Variants in F2RL1 observed in about 807,000 individuals in gnomAD.
F2RL1 encodes proteinase-activated receptor 2.
F2RL1 carries 16 observed loss-of-function variants against 21.7 expected under a neutral mutation model. That is an observed-to-expected ratio of 0.74 (90% confidence interval 0.50 to 1.12). F2RL1 has a LOEUF of 1.12. Ranked by LOEUF, F2RL1 falls within the 50% of genes most tolerant of loss-of-function variation. The pLI, the probability that F2RL1 is intolerant of heterozygous loss-of-function variation, is 0.00. For missense variants in F2RL1, 432 were observed against 477.8 expected (o/e 0.90, Z 0.89); for synonymous variants, 181 against 186.7 (o/e 0.97, Z 0.25).
intron 1 of F2RL1, among the ~76,000 whole-genome samples, chr5:76,828,114 G>A (rs1750278955): frequency 6.6e-6 from 1 of 151,978 alleles, no homozygotes; most frequent in African/African-American, 2.4e-5. Context: ...GATTATAGGT[G>A]TATGCCACCA....
chr5:76,828,991 C>CT (rs1297878534), intron 1 of F2RL1, among the ~76,000 whole-genome samples: 2 of 151,942 alleles, frequency 1.3e-5, no homozygotes, highest in African/African-American at 4.8e-5. Flanking sequence ...TGGTGTGCAC[C>CT]TGTAATCCCA....
intron 1 of F2RL1, among the ~76,000 whole-genome samples, chr5:76,821,029 TCGCTTTTTAG>T (rs2150604126): frequency 6.6e-6 from 1 of 152,114 alleles, no homozygotes; most frequent in East Asian, 1.9e-4. Flanking sequence ...CTTTGCTCAC[TCGCTTTTTAG>T]CCGGTCCTTC....
In F2RL1 at chr5:76,834,020, C is replaced by A; in HGVS notation, c.*219C>A. On this transcript the variant is annotated 3_prime_UTR_variant, in exon 2 of 2. Coordinates refer to ENST00000296677, the MANE Select transcript of F2RL1 (RefSeq NM_005242.6). ...TCAGAATCTCTCTACTCAGATGACC[C>A]CAGAAACTGAACCAACAGAAGCAGA... 4.1e-6 allele frequency: 2 copies of A among 485,576 alleles called. No individual in the cohort carries two copies. The highest frequency in any genetic ancestry group is 4.2e-5 in the South Asian group (1 of 24,042). The allele number at this position is 485,576 out of a possible 1,614,324, so 30.1% of individuals were successfully genotyped here.
At chr5:76,828,024 C>T (rs998488761) in intron 1 of F2RL1, among the ~76,000 whole-genome samples, 5 of 152,040 alleles carry the variant, frequency 3.3e-5, no homozygotes, top group African/African-American at 1.2e-4. Flanking sequence ...GGCTGGAGTG[C>T]AATGGCGTGA....
Position 76,833,387 on chromosome 5 carries a change from T to C in F2RL1, c.780T>C (p.Ser260=). The change falls in exon 2 of 2, where the codon TCT becomes TCC. Residue 260 remains serine, a synonymous_variant. Coordinates refer to ENST00000296677, the MANE Select transcript of F2RL1 (RefSeq NM_005242.6). ...VFLFPAFLTA[S]AYVLMIRMLR... ...TGTTCCCAGCCTTCCTCACAGCCTC[T>C]GCCTATGTGCTGATGATCAGAATGC... 6.2e-7 allele frequency: 1 copy of C among 1,614,068 alleles called. No individual in the cohort carries two copies. The highest frequency in any genetic ancestry group is 2.2e-5 in the East Asian group (1 of 44,844).
At chr5:76,819,310 G>C in intron 1 of F2RL1, 46 bp downstream of exon 1, 1 of 1,509,188 alleles carries the variant, frequency 6.6e-7, no homozygotes. Flanking sequence ...AGGAGCTGGG[G>C]TCCTGGGCAC....
chr5:76,821,573 T>C (rs575566418), intron 1 of F2RL1, among the ~76,000 whole-genome samples: 3 of 140,112 alleles, frequency 2.1e-5, no homozygotes, highest in Admixed American at 1.5e-4. Flanking sequence ...TTTTTTGTTT[T>C]TTTGGTTTTT....
rs913078467 is a variant in F2RL1 at position 76,833,728 on chromosome 5, T to A, written c.1121T>A (p.Leu374His). The part of the protein sequence containing the change: ...VRTVKQMQVS[L>H]TSKKHSRKSS... The stretch of plus-strand genomic sequence containing the variant: ...ACTGTAAAGCAGATGCAAGTATCCC[T>A]CACCTCAAAGAAACACTCCAGGAAA... The change falls in exon 2 of 2, where the codon CTC becomes CAC. Residue 374 changes from leucine to histidine, a missense_variant. Physicochemically the swap from Leu to His is moderately conservative, Grantham distance 99 (BLOSUM62 -3). Transcript: ENST00000296677. 6.2e-7 allele frequency: 1 copy of A among 1,614,008 alleles called. No homozygotes were observed. The highest frequency in any genetic ancestry group is 1.3e-5 in the African/African-American group (1 of 75,010).
intron 1 of F2RL1, among the ~76,000 whole-genome samples, chr5:76,826,276 T>G (rs1291928205): frequency 1.3e-5 from 2 of 152,228 alleles, no homozygotes; most frequent in Non-Finnish European, 2.9e-5. Flanking sequence ...AGGATGTTCA[T>G]AGAATTATTC....
At chr5:76,826,869 T>C (rs1375161532) in intron 1 of F2RL1, among the ~76,000 whole-genome samples, 1 of 150,602 alleles carries the variant, frequency 6.6e-6, no homozygotes, top group Non-Finnish European at 1.5e-5. Flanking sequence ...GTTTCCACTT[T>C]TTTTTCCTTT....
chr5:76,829,953 A>G (rs1213974031), intron 1 of F2RL1, among the ~76,000 whole-genome samples: 2 of 152,216 alleles, frequency 1.3e-5, no homozygotes, highest in Non-Finnish European at 1.5e-5. Flanking sequence ...AAAAAATAGA[A>G]CCACTAGAAA....
chr5:76,833,043 GCT>G lies in F2RL1; in HGVS notation c.439_440del (p.Cys148Ter). ...IHGNNWIYGE[A>X]LCNVLIGFFY... ...TGGCAACAACTGGATTTATGGGGAA[GCT>G]CTTTGTAATGTGCTTATTGGCTTTT... On this transcript the variant is annotated frameshift_variant, in exon 2 of 2. Coordinates refer to ENST00000296677, the MANE Select transcript of F2RL1 (RefSeq NM_005242.6). LOFTEE classifies it high-confidence loss of function. 1 of 1,614,182 alleles carries G rather than the reference GCT, an allele frequency of 6.2e-7. No homozygotes were observed. Among genetic ancestry groups the G allele is most frequent in the Non-Finnish European group, 8.5e-7 (1 of 1,180,012 alleles).
rs1342149701 is a variant in F2RL1, at chr5:76,834,839, A to G, written c.*1038A>G. 3 of 152,204 alleles carry G rather than the reference A, an allele frequency of 2.0e-5. No individual in the cohort carries two copies. Among genetic ancestry groups the G allele is most frequent in the Non-Finnish European group, 4.4e-5 (3 of 68,026 alleles). 9.4% of individuals were successfully genotyped at this position (152,204 alleles called of 1,614,324 possible). On this transcript the variant is annotated 3_prime_UTR_variant, in exon 2 of 2. Transcript: ENST00000296677. Reference sequence around the variant, plus strand: ...TAATTTTTGAAAAGAGAAGCAAACAATGGTGTCTCTTTTATGTTCAGCTTA... The same window carrying G: ...TAATTTTTGAAAAGAGAAGCAAACAGTGGTGTCTCTTTTATGTTCAGCTTA...
intron 1 of F2RL1, among the ~76,000 whole-genome samples, chr5:76,827,419 A>G (rs1327233715): frequency 6.6e-6 from 1 of 150,574 alleles, no homozygotes; most frequent in African/African-American, 2.4e-5. Flanking sequence ...GAATGGCATG[A>G]ACCCGGGAGG....
intron 1 of F2RL1, among the ~76,000 whole-genome samples, chr5:76,819,956 G>GC (rs1750098979): frequency 6.6e-6 from 1 of 152,178 alleles, no homozygotes; most frequent in African/African-American, 2.4e-5. Flanking sequence ...GAGCGCTCAG[G>GC]CCCGTTGGGC....
At chr5:76,823,407 G>A (rs1005017305) in intron 1 of F2RL1, among the ~76,000 whole-genome samples, 3 of 136,498 alleles carry the variant, frequency 2.2e-5, no homozygotes, top group Non-Finnish European at 4.6e-5. Context: ...GTCTCGCTGT[G>A]TCGCCCAGGC....
At chr5:76,822,957 C>T (rs754161690) in intron 1 of F2RL1, among the ~76,000 whole-genome samples, 1 of 152,228 alleles carries the variant, frequency 6.6e-6, no homozygotes, top group Non-Finnish European at 1.5e-5. Flanking sequence ...TTAGGCCAAG[C>T]GTGGTGGCTC....
At position 76,825,660 on chromosome 5, in the gene F2RL1, G is replaced by A. The variant is rs184610108; in HGVS notation, c.82+6396G>A. On this transcript the variant is annotated intron_variant, in intron 1 of 1. Transcript: ENST00000296677. ...GACAATTGGGAGCTGGGATAGCATC[G>A]GTTCTCTAGACAAGCTCTGTGAGTT... Among the ~76,000 whole-genome samples the A allele has an allele frequency of 6.6e-4, 100 of 152,232 alleles. 1 individual carries two copies. Among genetic ancestry groups the A allele is most frequent in the Non-Finnish European group, 9.1e-4 (62 of 68,024 alleles).
At chr5:76,819,411 G>A (rs920007338) in intron 1 of F2RL1, 147 bp downstream of exon 1, 5 of 703,026 alleles carry the variant, frequency 7.1e-6, no homozygotes, top group Non-Finnish European at 1.1e-5. Flanking sequence ...CCCCTTGGTG[G>A]CTTTGATGTG....
Sources: gnomAD v4.1 joint callset for allele counts (sites outside exome capture counted in the v4.1 genomes callset) on GRCh38, gnomAD v4.1.1 for gene constraint, MANE v1.5 for transcripts, NCBI Gene and HGNC (gene_info 2026-07-23, HGNC 2026-07-21) for gene names.